The following GRM5 variants were observed in gnomAD, a reference collection of about 807,000 sequenced individuals.
The protein encoded by GRM5 is metabotropic glutamate receptor 5.
Under a neutral mutation model 83.1 loss-of-function variants are expected in GRM5, and 19 were observed. That is an observed-to-expected ratio of 0.23 (90% CI 0.16 to 0.34). The LOEUF is 0.34. Ranked by LOEUF, GRM5 falls within the 10% of genes least tolerant of loss-of-function variation. The pLI is 1.00. For missense variants in GRM5, 1,160 were observed against 1,588.3 expected (o/e 0.73, Z 4.58); for synonymous variants, 675 against 633.6 (o/e 1.07, Z -0.98).
chr11:88,833,476 A>T (rs959487074), intron 3 of GRM5, among the ~76,000 whole-genome samples: 5 of 152,308 alleles, frequency 3.3e-5, no homozygotes, highest in African/African-American at 9.6e-5. Flanking sequence ...AAAAGACAAA[A>T]AATAAAAGAT....
chr11:88,776,593 T>C (rs1376179699), intron 3 of GRM5, among the ~76,000 whole-genome samples: 1 of 152,224 alleles, frequency 6.6e-6, no homozygotes, highest in East Asian at 1.9e-4. Context: ...TTTCTTTCCA[T>C]GTTTAGTGCT....
intron 2 of GRM5, among the ~76,000 whole-genome samples, chr11:89,005,335 G>T (rs1940495001): frequency 6.6e-6 from 1 of 152,152 alleles, no homozygotes; most frequent in South Asian, 2.1e-4. Context: ...GAAGGAATTG[G>T]AAAGAGCAGA....
intron 8 of GRM5, among the ~76,000 whole-genome samples, chr11:88,559,337 G>A (rs1255735531): frequency 6.6e-6 from 1 of 152,166 alleles, no homozygotes; most frequent in African/African-American, 2.4e-5. Flanking sequence ...GGGCTGCCAT[G>A]TTTGTCATAA....
intron 3 of GRM5, among the ~76,000 whole-genome samples, chr11:88,805,297 T>C (rs573334814): frequency 3.3e-5 from 5 of 152,274 alleles, no homozygotes; most frequent in African/African-American, 1.2e-4. Context: ...ATTCAAGTGA[T>C]TCTCCTGCCT....
intron 7 of GRM5, among the ~76,000 whole-genome samples, chr11:88,580,358 A>G (rs1488981819): frequency 6.6e-6 from 1 of 152,220 alleles, no homozygotes; most frequent in Non-Finnish European, 1.5e-5. Flanking sequence ...CCAGTGAAGC[A>G]AGTGTAGACA....
At chr11:88,931,241 A>G (rs1358446595) in intron 2 of GRM5, among the ~76,000 whole-genome samples, 1 of 151,764 alleles carries the variant, frequency 6.6e-6, no homozygotes, top group Non-Finnish European at 1.5e-5. Flanking sequence ...AAAACACTTC[A>G]TCTTACTTAT....
chr11:88,907,343 C>A (rs1481382401), intron 2 of GRM5, among the ~76,000 whole-genome samples: 1 of 152,126 alleles, frequency 6.6e-6, no homozygotes, highest in Non-Finnish European at 1.5e-5. Flanking sequence ...GGAGTCTCCT[C>A]CTCTTGCCTT....
rs145632887 is a variant in GRM5 at position 88,792,483 on chromosome 11, A to G, written c.911+57423T>C. ...GGTTTCCATTAACATACTGTGTTCA[A>G]AAAGCAAAACATGTTTATGACAGGA... is the stretch of plus-strand genomic sequence containing the variant. On this transcript the variant is annotated intron_variant, in intron 3 of 9. Coordinates refer to ENST00000305447, the MANE Select transcript of GRM5 (RefSeq NM_001143831.3). 1.6e-3 allele frequency among the ~76,000 whole-genome samples: 237 copies of G among 152,246 alleles called. 1 individual carries two copies. Among genetic ancestry groups the G allele is most frequent in the African/African-American group, 5.3e-3 (221 of 41,572 alleles).
chr11:89,010,924 G>A (rs1350404976), intron 2 of GRM5, among the ~76,000 whole-genome samples: 2 of 152,284 alleles, frequency 1.3e-5, no homozygotes, highest in Middle Eastern at 3.4e-3. Flanking sequence ...GTGGTCTGAG[G>A]CATCCTGATG....
At chr11:89,054,754 G>A (rs1321488892) in intron 1 of GRM5, among the ~76,000 whole-genome samples, 1 of 152,120 alleles carries the variant, frequency 6.6e-6, no homozygotes, top group South Asian at 2.1e-4. Context: ...TATTCATGTT[G>A]TATCATGCAG....
intron 2 of GRM5, among the ~76,000 whole-genome samples, chr11:88,904,362 A>G (rs923615026): frequency 4.6e-5 from 7 of 152,140 alleles, no homozygotes; most frequent in Admixed American, 4.6e-4. Context: ...TTTATAATTA[A>G]TTCATGCCAT....
intron 2 of GRM5, among the ~76,000 whole-genome samples, chr11:89,007,097 C>A (rs7131634): frequency 0.029 from 4,449 of 152,088 alleles, 221 homozygotes; most frequent in African/African-American, 0.1. Flanking sequence ...GCGCCCGGCC[C>A]AAATCATTTT....
chr11:88,508,898 G>A lies in GRM5; in HGVS notation c.3333C>T (p.Thr1111=), dbSNP rs754926660. The change falls in exon 10 of 10, where the codon ACC becomes ACT. Residue 1111 remains threonine, a synonymous_variant. Coordinates refer to ENST00000305447, the MANE Select transcript of GRM5 (RefSeq NM_001143831.3). The surrounding 1 kb of genome is among the most constrained non-coding windows in gnomAD (Gnocchi z 4.2). ...KEIQLPTTMT[T]FAEIQPLPAI... is the part of the protein sequence containing the mutation. ...CCGGCAGAGGCTGGATTTCGGCAAA[G>A]GTCGTCATGGTCGTGGGCAACTGGA... 6.3e-7 allele frequency: 1 copy of A among 1,597,754 alleles called. No homozygotes were observed. The highest frequency in any genetic ancestry group is 8.5e-7 in the Non-Finnish European group (1 of 1,173,082).
At chr11:88,948,425 T>G (rs1233348821) in intron 2 of GRM5, among the ~76,000 whole-genome samples, 1 of 152,208 alleles carries the variant, frequency 6.6e-6, no homozygotes, top group Non-Finnish European at 1.5e-5. Flanking sequence ...CACTGTTATC[T>G]AATGACTAGA....
chr11:88,844,292 G>T (rs189413175), intron 3 of GRM5, among the ~76,000 whole-genome samples: 11 of 151,976 alleles, frequency 7.2e-5, no homozygotes, highest in Admixed American at 3.3e-4. Context: ...AACAAAGCCT[G>T]GGTGACAACA....
At chr11:88,766,793 A>C (rs1485942773) in intron 3 of GRM5, among the ~76,000 whole-genome samples, 2 of 152,086 alleles carry the variant, frequency 1.3e-5, no homozygotes, top group East Asian at 3.8e-4. Flanking sequence ...AATATTTGCA[A>C]ACTATGTATC....
At chr11:88,698,116 A>G (rs1940943773) in intron 3 of GRM5, among the ~76,000 whole-genome samples, 1 of 152,210 alleles carries the variant, frequency 6.6e-6, no homozygotes, top group South Asian at 2.1e-4. Flanking sequence ...TCCACAGGGT[A>G]GCTAGGGAAA....
chr11:88,788,163 AG>A (rs1421054864), intron 3 of GRM5, among the ~76,000 whole-genome samples: 1 of 152,200 alleles, frequency 6.6e-6, no homozygotes, highest in Non-Finnish European at 1.5e-5. Flanking sequence ...AGATCAGAAC[AG>A]GCCATTGCAT....
intron 3 of GRM5, among the ~76,000 whole-genome samples, chr11:88,683,986 G>A (rs546868084): frequency 2.0e-5 from 3 of 152,138 alleles, no homozygotes; most frequent in Non-Finnish European, 4.4e-5. Flanking sequence ...AGACTGGTAA[G>A]GAAATTGCAT....
Sources: allele counts gnomAD v4.1 joint callset (sites outside exome capture counted in the v4.1 genomes callset), GRCh38; gene constraint gnomAD v4.1.1; non-coding constraint Gnocchi (gnomAD v3.1); transcripts MANE v1.5; gene names NCBI Gene and HGNC (gene_info 2026-07-23, HGNC 2026-07-21).